The following CDKL4 variants were observed in gnomAD, a reference collection of about 807,000 sequenced individuals.
CDKL4 encodes the protein cyclin-dependent kinase-like 4.
CDKL4 carries 44 observed loss-of-function variants against 42.0 expected under a neutral mutation model. The ratio of observed to expected loss-of-function variants is 1.05; its 90% confidence interval spans 0.82 to 1.35. CDKL4 has a LOEUF of 1.35. CDKL4 is among the 40% of genes most tolerant of loss of function. The pLI is 0.00. For missense variants in CDKL4, 393 were observed against 369.9 expected (o/e 1.06, Z -0.51); for synonymous variants, 120 against 121.6 (o/e 0.99, Z 0.09).
At chr2:39,198,210 C>T (rs754699823) in intron 5 of CDKL4, among the ~76,000 whole-genome samples, 2 of 148,240 alleles carry the variant, frequency 1.3e-5, no homozygotes, top group Non-Finnish European at 3.0e-5. Flanking sequence ...ACAAAACAGA[C>T]TTTAAAGCAA....
At chr2:39,183,258 ACT>A (rs1181930866) in intron 8 of CDKL4, among the ~76,000 whole-genome samples, 61 of 68,646 alleles carry the variant, frequency 8.9e-4, no homozygotes, top group African/African-American at 4.0e-3. Flanking sequence ...ACAGAGCAAG[ACT>A]CTGTCTCAAA....
rs772332903 is a variant in CDKL4 at position 39,204,572 on chromosome 2, G to A, written c.409C>T (p.Gln137Ter). 6.2e-7 allele frequency: 1 copy of A among 1,608,524 alleles called. No homozygotes were observed. The change falls in exon 5 of 10, where the codon CAA (glutamine) becomes TAA (stop). Residue 137 changes from glutamine to a stop codon, truncating the protein, a stop_gained. Coordinates refer to ENST00000451199, the Ensembl canonical transcript of CDKL4. LOFTEE classifies it high-confidence loss of function. ...AAGTCACAAATCTTGATTATTCCTT[G>A]CTTAGTTATTAGAATATTTTCAGGT...
intron 9 of CDKL4, chr2:39,178,641 T>C (rs1675266917): frequency 1.9e-6 from 3 of 1,589,034 alleles, no homozygotes; most frequent in Non-Finnish European, 2.6e-6. Flanking sequence ...CACCATACTG[T>C]TCTGCAATAT....
rs114874779 is a variant in CDKL4, at chr2:39,204,513, A to T, written c.454+14T>A. On this transcript the variant is annotated intron_variant, in intron 5 of 9. Transcript: ENST00000451199. ...CATCTGAACTGGGTATTAGTAAAAAAAATTGCTACTTACTCAGAATTTGTG... is the reference window on the plus strand; with the variant it reads ...CATCTGAACTGGGTATTAGTAAAAATAATTGCTACTTACTCAGAATTTGTG... 20,915 of 1,525,766 alleles carry T rather than the reference A, an allele frequency of 0.014. 2,447 individuals carry two copies. The African/African-American group carries it at 0.25, about 18-fold the overall frequency. 94.5% of individuals were successfully genotyped at this position (1,525,766 alleles called of 1,614,324 possible). A position where few individuals can be genotyped will look rare whatever the true frequency, so the allele number is the denominator to read the frequency against.
chr2:39,184,270 A>G (rs1210414420), intron 8 of CDKL4, among the ~76,000 whole-genome samples: 1 of 152,206 alleles, frequency 6.6e-6, no homozygotes, highest in East Asian at 1.9e-4. Flanking sequence ...ATGGCAGACT[A>G]GGCATAGGTA....
intron 1 of CDKL4, among the ~76,000 whole-genome samples, chr2:39,231,792 C>G (rs1336251962): frequency 6.6e-6 from 1 of 152,210 alleles, no homozygotes; most frequent in African/African-American, 2.4e-5. Flanking sequence ...TGGCTCATGC[C>G]TGTAATCCCA....
chr2:39,193,662 A>C (rs1187485121), intron 5 of CDKL4, among the ~76,000 whole-genome samples: 1 of 152,214 alleles, frequency 6.6e-6, no homozygotes, highest in Non-Finnish European at 1.5e-5. Context: ...GGCATGAGCC[A>C]CTGTGCCTGG....
At chr2:39,208,732 G>T (rs1469092615) in intron 4 of CDKL4, among the ~76,000 whole-genome samples, 2 of 147,602 alleles carry the variant, frequency 1.4e-5, no homozygotes, top group East Asian at 2.0e-4. Context: ...TGGCTCACAG[G>T]CCAGCCTAAA....
chr2:39,172,796 G>A (rs1298711738), downstream of CDKL4, among the ~76,000 whole-genome samples: 1 of 152,110 alleles, frequency 6.6e-6, no homozygotes, highest in Non-Finnish European at 1.5e-5. Context: ...TGGCCAGACC[G>A]GTCTCGAACT....
chr2:39,205,731 G>A (rs1433086017), intron 4 of CDKL4, among the ~76,000 whole-genome samples: 9 of 122,088 alleles, frequency 7.4e-5, no homozygotes, highest in African/African-American at 1.2e-4. Context: ...CTGCACTCCA[G>A]CCTGGACGAC....
intron 7 of CDKL4, among the ~76,000 whole-genome samples, chr2:39,185,703 C>T (rs923231344): frequency 1.3e-5 from 2 of 151,640 alleles, no homozygotes; most frequent in Non-Finnish European, 2.9e-5. Context: ...CCTAGTGATC[C>T]GCCTGCCTCG....
chr2:39,202,002 C>A (rs1421256181), intron 5 of CDKL4, among the ~76,000 whole-genome samples: 5 of 152,114 alleles, frequency 3.3e-5, no homozygotes, highest in Admixed American at 3.3e-4. Context: ...GAGGCCGAGG[C>A]AGGCAGATGA....
chr2:39,205,968 C>G (rs1210755982), intron 4 of CDKL4, among the ~76,000 whole-genome samples: 1 of 152,070 alleles, frequency 6.6e-6, no homozygotes, highest in Non-Finnish European at 1.5e-5. Flanking sequence ...CAGCAACACT[C>G]CTGAGACGGC....
At chr2:39,224,159 A>G (rs534752807) in intron 3 of CDKL4, among the ~76,000 whole-genome samples, 119 of 152,224 alleles carry the variant, frequency 7.8e-4, no homozygotes, top group Admixed American at 1.5e-3. Context: ...TTTCTATTTT[A>G]GTTTTGTTTA....
intron 4 of CDKL4, among the ~76,000 whole-genome samples, chr2:39,206,404 C>T (rs538153069): frequency 3.3e-5 from 5 of 152,144 alleles, no homozygotes; most frequent in Non-Finnish European, 7.3e-5. Context: ...TCATATGCAG[C>T]GGCCTTACAA....
intron 1 of CDKL4, among the ~76,000 whole-genome samples, chr2:39,233,552 A>G (rs769334385): frequency 2.0e-4 from 30 of 152,178 alleles, no homozygotes; most frequent in Non-Finnish European, 4.0e-4. Context: ...AATGAAAGAA[A>G]CTGCATTTTA....
rs191436896 is a variant in CDKL4 at position 39,175,856 on chromosome 2, C to T, written c.*139G>A. On this transcript the variant is annotated 3_prime_UTR_variant, in exon 10 of 10. Coordinates refer to ENST00000451199, the Ensembl canonical transcript of CDKL4. ...TGTAAAACATGGGGAAAGGAATCAGCAATGATCAGAGCAAAACAATTCTAG... is the reference window on the plus strand; with the variant it reads ...TGTAAAACATGGGGAAAGGAATCAGTAATGATCAGAGCAAAACAATTCTAG... 1.4e-3 allele frequency: 467 copies of T among 337,494 alleles called. 3 individuals are homozygous for T. In the Admixed American group the frequency reaches 0.017, roughly 13 times the overall value. The allele number at this position is 337,494 out of a possible 1,614,324, so 20.9% of individuals were successfully genotyped here. A position where few individuals can be genotyped will look rare whatever the true frequency, so the allele number is the denominator to read the frequency against.
intron 7 of CDKL4, among the ~76,000 whole-genome samples, chr2:39,185,012 G>C (rs1408149908): frequency 2.0e-5 from 3 of 151,050 alleles, no homozygotes; most frequent in Non-Finnish European, 4.4e-5. Flanking sequence ...AGGGATTATA[G>C]GGGTGAGCCA....
At chr2:39,184,722 ATGTGTGTGTGTGTG>A (rs141702509) in intron 7 of CDKL4, 75 bp from the exon 8 acceptor site, 2 of 760,926 alleles carry the variant, frequency 2.6e-6, no homozygotes, top group Admixed American at 2.1e-5. Context: ...GTGCGTATGT[ATGTGTGTGTGTGTG>A]TGTGTGTGTG....
Sources: gnomAD v4.1 joint callset for allele counts (sites outside exome capture counted in the v4.1 genomes callset) on GRCh38, gnomAD v4.1.1 for gene constraint, MANE v1.5 for transcripts, NCBI Gene and HGNC (gene_info 2026-07-23, HGNC 2026-07-21) for gene names.